The following ZNF480 variants were observed in gnomAD, a reference collection of about 807,000 sequenced individuals.
ZNF480 encodes zinc finger protein 480.
In ZNF480, 15 loss-of-function variants were observed where a neutral mutation model predicts 14.4. That is an observed-to-expected ratio of 1.04 (90% CI 0.70 to 1.60). The LOEUF is 1.60. Ranked by LOEUF, ZNF480 falls within the 40% of genes most tolerant of loss-of-function variation. The pLI, the probability that ZNF480 is intolerant of heterozygous loss-of-function variation, is 0.00. For missense variants in ZNF480, 593 were observed against 629.7 expected, an observed-to-expected ratio of 0.94 and a Z score of 0.62; for synonymous variants, 218 against 215.5, an observed-to-expected ratio of 1.01 and a Z score of -0.10.
rs748618898 is a variant in ZNF480, at chr19:52,322,359, C to T, written c.1109C>T (p.Pro370Leu). 4 of 1,613,742 alleles carry T rather than the reference C, an allele frequency of 2.5e-6. No individual in the cohort carries two copies. In the African/African-American group the frequency reaches 4.0e-5, roughly 16 times the overall value. The change falls in exon 5 of 5, where the codon CCT becomes CTT. Residue 370 changes from proline to leucine, a missense_variant. Coordinates refer to ENST00000595962, the MANE Select transcript of ZNF480 (RefSeq NM_144684.4). ...RHQKIHTGEKPYKCNECGKVF... is the reference protein window; with the variant it reads ...RHQKIHTGEKLYKCNECGKVF... Reference sequence around the variant, plus strand: ...CAGAAAATTCATACTGGAGAGAAACCTTACAAATGTAATGAATGTGGAAAG... The same window carrying T: ...CAGAAAATTCATACTGGAGAGAAACTTTACAAATGTAATGAATGTGGAAAG...
At chr19:52,304,427 G>T (rs1481176740) in intron 2 of ZNF480, among the ~76,000 whole-genome samples, 2 of 152,140 alleles carry the variant, frequency 1.3e-5, no homozygotes, top group Admixed American at 6.5e-5. Context: ...ATTCCAGGGG[G>T]AAAATGTTGG....
intron 2 of ZNF480, among the ~76,000 whole-genome samples, chr19:52,306,977 C>T (rs558446157): frequency 6.6e-6 from 1 of 151,802 alleles, no homozygotes; most frequent in South Asian, 2.1e-4. Context: ...CCTCTCCCTC[C>T]TTTGCTGCTT....
intron 2 of ZNF480, among the ~76,000 whole-genome samples, chr19:52,312,807 A>T (rs1253700265): frequency 2.8e-5 from 4 of 144,378 alleles, no homozygotes; most frequent in Non-Finnish European, 4.6e-5. Context: ...TGCTATTGTT[A>T]TCATCCCAGT....
intron 2 of ZNF480, among the ~76,000 whole-genome samples, chr19:52,304,453 T>C (rs1438564489): frequency 6.6e-6 from 1 of 152,170 alleles, no homozygotes; most frequent in Non-Finnish European, 1.5e-5. Flanking sequence ...TGTGTCCTTT[T>C]TCTAATTGTT....
Position 52,315,909 on chromosome 19 carries a change from T to G in ZNF480, c.275T>G (p.Val92Gly). 2 of 1,612,860 alleles carry G rather than the reference T, an allele frequency of 1.2e-6. No homozygotes were observed. The highest frequency in any genetic ancestry group is 1.7e-6 in the Non-Finnish European group (2 of 1,179,254). ...GAGCCCTGGTCTGGTGAGAGTGAAG[T>G]GAAAATAGCAAAAAATTCAGATGGG... ...RREPWSGESE[V>G]KIAKNSDGRE... Residue 92 changes from valine (V) to glycine (G), a missense_variant, in exon 4 of 5, where the codon GTG becomes GGG. Transcript: ENST00000595962.
chr19:52,313,412 A>G (rs1983387028), intron 2 of ZNF480, among the ~76,000 whole-genome samples: 1 of 151,130 alleles, frequency 6.6e-6, no homozygotes, highest in Non-Finnish European at 1.5e-5. Flanking sequence ...TCCTGGGATT[A>G]CAGGCGTGAG....
intron 1 of ZNF480, among the ~76,000 whole-genome samples, chr19:52,299,443 G>A (rs753017673): frequency 2.0e-5 from 3 of 152,172 alleles, no homozygotes; most frequent in Non-Finnish European, 4.4e-5. Flanking sequence ...GCTACTTCAC[G>A]TGCTGGTTGT....
Position 52,321,839 on chromosome 19 carries a change from C to G in ZNF480, c.589C>G (p.His197Asp). Residue 197 changes from histidine to aspartate, a missense_variant, in exon 5 of 5, where the codon CAC becomes GAC. His to Asp is a moderately conservative substitution (Grantham distance 81, BLOSUM62 -1). Coordinates refer to ENST00000595962, the MANE Select transcript of ZNF480 (RefSeq NM_144684.4). ...SSFLPQEQKV[H>D]LREKPYECNE... ...ATTTCTCCCACAAGAACAGAAAGTA[C>G]ACCTTAGAGAAAAACCTTATGAATG... 8.7e-6 allele frequency: 14 copies of G among 1,614,098 alleles called. No homozygotes were observed. The highest frequency in any genetic ancestry group is 1.2e-5 in the Non-Finnish European group (14 of 1,179,992).
intron 3 of ZNF480, among the ~76,000 whole-genome samples, chr19:52,314,493 A>AC (rs1312926426): frequency 6.6e-6 from 1 of 150,846 alleles, no homozygotes; most frequent in African/African-American, 2.4e-5. Flanking sequence ...AAAAAAAAAA[A>AC]AAAAACCAAA....
At chr19:52,301,424 TC>T in intron 2 of ZNF480, 1 of 152,354 alleles carries the variant, frequency 6.6e-6, no homozygotes, top group East Asian at 1.9e-4. Flanking sequence ...TTTAAATGTC[TC>T]TTAACTCTTT....
intron 2 of ZNF480, among the ~76,000 whole-genome samples, chr19:52,312,222 G>A (rs1290631028): frequency 6.6e-6 from 1 of 150,880 alleles, no homozygotes; most frequent in Admixed American, 6.6e-5. Context: ...TTGGCTCACT[G>A]CAATCTCGGC....
chr19:52,298,883 G>A (rs1176409660), intron 1 of ZNF480, among the ~76,000 whole-genome samples: 4 of 151,898 alleles, frequency 2.6e-5, no homozygotes, highest in Non-Finnish European at 2.9e-5. Flanking sequence ...ACAGAATGAG[G>A]GAGGGAAACA....
Position 52,315,950 on chromosome 19 carries a change from G to T in ZNF480, c.316G>T (p.Gly106Cys). 1.2e-6 allele frequency: 2 copies of T among 1,610,180 alleles called. No homozygotes were observed. Among genetic ancestry groups the T allele is most frequent in the South Asian group, 1.1e-5 (1 of 90,606 alleles). The change falls in exon 4 of 5, where the codon GGT becomes TGT. Residue 106 changes from glycine to cysteine, a missense_variant. By Grantham distance (159) the Gly-to-Cys change is radical. Transcript: ENST00000595962. ...KNSDGRECIK[G>C]VNTGSSYALG... ...TTCAGATGGGAGGGAGTGCATCAAA[G>T]GTGTGAACACAGGTAAGAGCTCAGA...
intron 1 of ZNF480, among the ~76,000 whole-genome samples, chr19:52,298,506 G>C (rs1038477691): frequency 6.6e-6 from 1 of 151,974 alleles, no homozygotes; most frequent in Non-Finnish European, 1.5e-5. Context: ...CAGCGCGCGC[G>C]TGTAATCCCA....
At chr19:52,315,085 A>G (rs1465755394) in intron 3 of ZNF480, among the ~76,000 whole-genome samples, 1 of 151,856 alleles carries the variant, frequency 6.6e-6, no homozygotes, top group Non-Finnish European at 1.5e-5. Context: ...TAGCCTCCCT[A>G]GTAACTGGGA....
chr19:52,319,064 A>G (rs1251639299), intron 4 of ZNF480, among the ~76,000 whole-genome samples: 2 of 152,014 alleles, frequency 1.3e-5, no homozygotes, highest in Non-Finnish European at 2.9e-5. Flanking sequence ...GGGTTTCACC[A>G]CGTTAGTCAG....
rs750024828 is a variant in ZNF480, at chr19:52,322,424, A to G, written c.1174A>G (p.Ile392Val). ...TTCGCACCTAGCACAACATTGGAGA[A>G]TTCATACAGGAGAGAAACCTTACAA... ...QNSHLAQHWR[I>V]HTGEKPYKCN... The change falls in exon 5 of 5, where the codon ATT becomes GTT. Residue 392 changes from isoleucine to valine, a missense_variant. Coordinates refer to ENST00000595962, the MANE Select transcript of ZNF480 (RefSeq NM_144684.4). 6.2e-7 allele frequency: 1 copy of G among 1,614,116 alleles called. No homozygotes were observed. The highest frequency in any genetic ancestry group is 8.5e-7 in the Non-Finnish European group (1 of 1,180,008).
chr19:52,313,377 A>T (rs1983385154), intron 2 of ZNF480, among the ~76,000 whole-genome samples: 1 of 151,582 alleles, frequency 6.6e-6, no homozygotes, highest in Non-Finnish European at 1.5e-5. Flanking sequence ...ACCTCAGGTC[A>T]TCTGCCCACC....
At position 52,315,378 on chromosome 19, in the gene ZNF480, C is replaced by T. The variant is rs571515903; in HGVS notation, c.200-456C>T. Among the ~76,000 whole-genome samples the T allele has an allele frequency of 4.0e-5, 6 of 151,268 alleles. No homozygotes were observed. The South Asian group carries it at 6.3e-4, about 16-fold the overall frequency. ...TCTTGGAGGCTGGAGTGCAATGGCG[C>T]GATCTTGGCTCACTGCAACCTCCGC... On this transcript the variant is annotated intron_variant, in intron 3 of 4. Transcript: ENST00000595962.
Sources: gnomAD v4.1 joint callset for allele counts (sites outside exome capture counted in the v4.1 genomes callset) on GRCh38, gnomAD v4.1.1 for gene constraint, MANE v1.5 for transcripts, NCBI Gene and HGNC (gene_info 2026-07-23, HGNC 2026-07-21) for gene names.